TFB1M: variants seen among roughly 807,000 people sequenced by gnomAD.
TFB1M encodes dimethyladenosine transferase 1, mitochondrial.
TFB1M carries 27 observed loss-of-function variants against 31.1 expected under a neutral mutation model. The observed-to-expected ratio is 0.87, with a 90% CI of 0.64 to 1.20. TFB1M has a LOEUF of 1.20. Among genes scored for constraint, TFB1M ranks in the 50% most tolerant of loss-of-function variants. The pLI, the probability that TFB1M is intolerant of heterozygous loss-of-function variation, is 0.00. For missense variants in TFB1M, 394 were observed against 418.7 expected, an observed-to-expected ratio of 0.94 and a Z score of 0.51; for synonymous variants, 166 against 151.8, an observed-to-expected ratio of 1.09 and a Z score of -0.69.
chr6:155,307,136 TACAC>T (rs61677970), intron 2 of TFB1M, among the ~76,000 whole-genome samples: 74,795 of 147,174 alleles, frequency 0.51, 19,543 homozygotes, highest in East Asian at 0.78. Flanking sequence ...CTCAAACACA[TACAC>T]ACACACACAC....
downstream of TFB1M, chr6:155,256,024 G>T (rs1005435184): frequency 5.1e-6 from 1 of 196,010 alleles, no homozygotes; most frequent in South Asian, 7.6e-5. Flanking sequence ...AAAAAAGGGG[G>T]GGGGAGGGGC....
chr6:155,257,190 C>CAAAAAAA lies in TFB1M; in HGVS notation c.*639_*645dup. The CAAAAAAA allele has an allele frequency of 1.8e-6, 1 of 543,894 alleles. No individual in the cohort carries two copies. 33.7% of individuals were successfully genotyped at this position (543,894 alleles called of 1,614,324 possible). On this transcript the variant is annotated 3_prime_UTR_variant, in exon 7 of 7. Transcript: ENST00000367166. ...TAAACTGGTGGTAAAGTGGAAATTGCAAAAAAAAAAAAAAAAAAAAACTGT... is the reference window on the plus strand; with the variant it reads ...TAAACTGGTGGTAAAGTGGAAATTGCAAAAAAAAAAAAAAAAAAAAAAAAAAAACTGT...
intron 4 of TFB1M, among the ~76,000 whole-genome samples, chr6:155,288,860 T>C (rs1188562981): frequency 6.6e-6 from 1 of 152,210 alleles, no homozygotes; most frequent in African/African-American, 2.4e-5. Context: ...AAATATACAT[T>C]ACTGTTTCTG....
chr6:155,274,059 G>A (rs1785059585), intron 5 of TFB1M, among the ~76,000 whole-genome samples: 1 of 152,162 alleles, frequency 6.6e-6, no homozygotes, highest in Non-Finnish European at 1.5e-5. Flanking sequence ...TTAACCCTAT[G>A]AACGAAGTAT....
chr6:155,260,173 C>T (rs1784326909), intron 6 of TFB1M, 100 bp downstream of exon 6: 1 of 1,330,772 alleles, frequency 7.5e-7, no homozygotes, highest in Non-Finnish European at 1.1e-6. Context: ...AAGTGTAATA[C>T]TCAGAGCTTT....
At chr6:155,258,510 C>T (rs553569909) in intron 6 of TFB1M, among the ~76,000 whole-genome samples, 4 of 150,810 alleles carry the variant, frequency 2.7e-5, no homozygotes, top group East Asian at 2.0e-4. Context: ...GAACTCTTCA[C>T]GCTAAAAGAG....
In TFB1M at chr6:155,257,731, A is replaced by ATTGGCAT; in HGVS notation, c.*98_*104dup. On this transcript the variant is annotated 3_prime_UTR_variant, in exon 7 of 7. Transcript: ENST00000367166. ...AAAGGAAAATAAGTCACATCTGGTC[A>ATTGGCAT]TTGGCATTTGTATCGTCATTCTGTA... 7.2e-7 allele frequency: 1 copy of ATTGGCAT among 1,384,108 alleles called. No homozygotes were observed. The highest frequency in any genetic ancestry group is 1.0e-6 in the Non-Finnish European group (1 of 993,842). 85.7% of individuals were successfully genotyped at this position (1,384,108 alleles called of 1,614,324 possible). A position where few individuals can be genotyped will look rare whatever the true frequency, so the allele number is the denominator to read the frequency against.
At chr6:155,265,102 C>T (rs895087476) in intron 5 of TFB1M, among the ~76,000 whole-genome samples, 5 of 152,360 alleles carry the variant, frequency 3.3e-5, no homozygotes, top group East Asian at 1.9e-4. Context: ...AGCATCTGGA[C>T]GTGCCCTGTG....
chr6:155,248,095 CAG>C, the TFB1M span: 20 of 1,614,118 alleles, frequency 1.2e-5, no homozygotes, highest in Non-Finnish European at 1.6e-5. Context: ...CAAGCCGGTT[CAG>C]AGAGTGCTCA....
At chr6:155,252,832 C>A, downstream of TFB1M, 3 of 877,386 alleles carry the variant, frequency 3.4e-6, no homozygotes, top group South Asian at 3.2e-5. Context: ...TGAACACCCA[C>A]ATGGCTGCTC....
chr6:155,250,179 C>T, the TFB1M span, among the ~76,000 whole-genome samples: 27 of 152,040 alleles, frequency 1.8e-4, no homozygotes, highest in Admixed American at 3.3e-4. Flanking sequence ...CCTTATGTCA[C>T]GTTCACATTG....
intron 5 of TFB1M, among the ~76,000 whole-genome samples, chr6:155,279,666 T>G (rs1213754423): frequency 6.6e-6 from 1 of 152,248 alleles, no homozygotes; most frequent in African/African-American, 2.4e-5. Context: ...CCTATAATTC[T>G]GCAGAACACT....
intron 1 of TFB1M, chr6:155,314,084 C>T (rs995872301): frequency 2.8e-6 from 4 of 1,444,436 alleles, no homozygotes; most frequent in East Asian, 5.2e-5. Context: ...CTACACCCCC[C>T]CGAACGCGGA....
chr6:155,248,088 G>A, the TFB1M span: 1 of 1,614,228 alleles, frequency 6.2e-7, no homozygotes, highest in Non-Finnish European at 8.5e-7. Context: ...ACCTCATCAA[G>A]CCGGTTCAGA....
intron 2 of TFB1M, among the ~76,000 whole-genome samples, chr6:155,304,312 C>T (rs929670705): frequency 1.3e-5 from 2 of 151,926 alleles, no homozygotes; most frequent in Admixed American, 6.6e-5. Flanking sequence ...AAACCAAAGG[C>T]AATACTAACA....
chr6:155,236,299 G>C, the TFB1M span, among the ~76,000 whole-genome samples: 1 of 151,976 alleles, frequency 6.6e-6, no homozygotes, highest in African/African-American at 2.4e-5. Flanking sequence ...AACGCGAGCT[G>C]TATGAAGAGT....
At position 155,300,455 on chromosome 6, in the gene TFB1M, C is replaced by T. The variant is rs146302147; in HGVS notation, c.286-1870G>A. Among the ~76,000 whole-genome samples, 271 of 152,202 alleles carry T rather than the reference C, an allele frequency of 1.8e-3. 1 individual carries two copies. Among genetic ancestry groups the T allele is most frequent in the African/African-American group, 6.4e-3 (264 of 41,526 alleles). On this transcript the variant is annotated intron_variant, in intron 2 of 6. Coordinates refer to ENST00000367166, the MANE Select transcript of TFB1M (RefSeq NM_016020.4). ...ATTTAAAAAGAGACAGCTCTCTATG[C>T]GGCATGCTCTTAATGTATAAAACCA...
intron 2 of TFB1M, among the ~76,000 whole-genome samples, chr6:155,308,882 A>G (rs142728729): frequency 1.9e-4 from 29 of 152,304 alleles, no homozygotes; most frequent in African/African-American, 6.5e-4. Flanking sequence ...TTTTATGATT[A>G]ATTTAGTACC....
chr6:155,232,113 A>G, the TFB1M span, among the ~76,000 whole-genome samples: 1 of 151,948 alleles, frequency 6.6e-6, no homozygotes, highest in Non-Finnish European at 1.5e-5. Flanking sequence ...AAAAACAAAA[A>G]CTGGGGAAGT....
Sources: gnomAD v4.1 joint callset for allele counts (sites outside exome capture counted in the v4.1 genomes callset) on GRCh38, gnomAD v4.1.1 for gene constraint, MANE v1.5 for transcripts, NCBI Gene and HGNC (gene_info 2026-07-23, HGNC 2026-07-21) for gene names.